CAP1: variants seen among roughly 807,000 people sequenced by gnomAD.
CAP1 encodes the protein adenylyl cyclase-associated protein 1.
A neutral mutation model predicts 58.2 loss-of-function variants in CAP1; 11 were observed. That is an observed-to-expected ratio of 0.19 (90% CI 0.12 to 0.31). The LOEUF (loss-of-function observed/expected upper bound fraction) is 0.31. CAP1 is among the 10% of genes least tolerant of loss of function. The pLI is 1.00. For synonymous variants in CAP1, 183 were observed against 213.8 expected, an observed-to-expected ratio of 0.86 and a Z score of 1.26; for missense variants, 423 against 587.5, an observed-to-expected ratio of 0.72 and a Z score of 2.89.
At chr1:40,040,567 G>A (rs3131687), upstream of CAP1, 83,068 of 152,642 alleles carry the variant, frequency 0.54, 24,282 homozygotes, top group Non-Finnish European at 0.67. Context: ...TGCCCTCTGT[G>A]AGAGCCGGGC....
chr1:40,069,934 G>A, intron 9 of CAP1, 60 bp downstream of exon 9: 1 of 1,477,902 alleles, frequency 6.8e-7, no homozygotes. Flanking sequence ...TTTTGAGATG[G>A]AGTTTCACTT....
rs547142454 is a variant in CAP1 at position 40,059,346 on chromosome 1, T to C, written c.-1T>C. On this transcript the variant is annotated 5_prime_UTR_variant, in exon 2 of 13. Coordinates refer to ENST00000372805, the MANE Select transcript of CAP1 (RefSeq NM_006367.4). ...TGATCTGTTTCAGCAGGTGGTCCAT[T>C]ATGGCTGACATGCAAAATCTGGTAG... The C allele has an allele frequency of 6.9e-6, 11 of 1,598,124 alleles. No homozygotes were observed. The highest frequency in any genetic ancestry group is 9.4e-6 in the Non-Finnish European group (11 of 1,165,416).
Position 40,059,538 on chromosome 1 carries a change from C to T in CAP1, c.112+80C>T, listed in dbSNP as rs1031008868. Reference sequence around the variant, plus strand: ...TTTTCTATTATTCTCTCCTTTGGCGCTAACTTCCCAAAACTTAATCTAGAA... The same window carrying T: ...TTTTCTATTATTCTCTCCTTTGGCGTTAACTTCCCAAAACTTAATCTAGAA... On this transcript the variant is annotated intron_variant, in intron 2 of 12. Coordinates refer to ENST00000372805, the MANE Select transcript of CAP1 (RefSeq NM_006367.4). 2.0e-5 allele frequency: 16 copies of T among 813,764 alleles called. No individual in the cohort carries two copies. In the African/African-American group the frequency reaches 2.2e-4, roughly 11 times the overall value. The allele number at this position is 813,764 out of a possible 1,614,324, so 50.4% of individuals were successfully genotyped here.
In CAP1 at chr1:40,070,205, T is replaced by G. The variant is rs779440857; in HGVS notation, c.1040T>G (p.Leu347Arg). ...VSNLVIEDTE[L>R]KQVAYIYKCV... ...AACCTGGTGATTGAGGACACAGAGC[T>G]GAAACAGGTGGCTTACATATACAAG... is the stretch of plus-strand genomic sequence containing the variant. Residue 347 changes from leucine to arginine, a missense_variant, in exon 10 of 13, where the codon CTG becomes CGG. Leu to Arg is a moderately radical substitution (Grantham distance 102, BLOSUM62 -2). Transcript: ENST00000372805. 6.2e-7 allele frequency: 1 copy of G among 1,614,128 alleles called. No homozygotes were observed. Among genetic ancestry groups the G allele is most frequent in the Admixed American group, 1.7e-5 (1 of 60,024 alleles).
intron 4 of CAP1, among the ~76,000 whole-genome samples, chr1:40,063,573 C>T (rs2124383877): frequency 6.6e-6 from 1 of 152,306 alleles, no homozygotes; most frequent in East Asian, 1.9e-4. Flanking sequence ...CTTGGCCTCC[C>T]AAAGTGCTGG....
chr1:40,040,723 C>T (rs1157369156), upstream of CAP1: 2 of 152,888 alleles, frequency 1.3e-5, no homozygotes, highest in Admixed American at 1.3e-4. Context: ...GGAAGTGGGT[C>T]GCGCGGAGAT....
At chr1:40,065,642 G>A (rs1357702797) in intron 6 of CAP1, among the ~76,000 whole-genome samples, 1 of 152,198 alleles carries the variant, frequency 6.6e-6, no homozygotes, top group Admixed American at 6.5e-5. Context: ...TAAGAAGAGA[G>A]GGGACTTGAA....
intron 1 of CAP1, among the ~76,000 whole-genome samples, chr1:40,047,445 T>C (rs1046034925): frequency 1.3e-5 from 2 of 152,226 alleles, no homozygotes; most frequent in Non-Finnish European, 2.9e-5. Context: ...TTGTTTTGTT[T>C]TGTTTTTTCC....
At chr1:40,051,150 A>G (rs1646348891) in intron 1 of CAP1, among the ~76,000 whole-genome samples, 1 of 152,214 alleles carries the variant, frequency 6.6e-6, no homozygotes, top group Non-Finnish European at 1.5e-5. Context: ...GTAGTAATTT[A>G]TGTAATTCAG....
chr1:40,061,434 G>A (rs1299507505), intron 3 of CAP1, among the ~76,000 whole-genome samples: 2 of 152,168 alleles, frequency 1.3e-5, no homozygotes, highest in East Asian at 1.9e-4. Flanking sequence ...AAATAGGAAG[G>A]ATTTTTCAGT....
chr1:40,040,444 C>T (rs918563257), upstream of CAP1: 4 of 152,366 alleles, frequency 2.6e-5, no homozygotes, highest in Non-Finnish European at 5.9e-5. Flanking sequence ...CCTTCCTGGG[C>T]CCGGGCCTCG....
Position 40,070,709 on chromosome 1 carries a change from C to T in CAP1, c.1201-127C>T, listed in dbSNP as rs909198683. 6.5e-6 allele frequency: 6 copies of T among 925,494 alleles called. No individual in the cohort carries two copies. The African/African-American group carries it at 9.9e-5, about 15-fold the overall frequency. The allele number at this position is 925,494 out of a possible 1,614,324, so 57.3% of individuals were successfully genotyped here. A position where few individuals can be genotyped will look rare whatever the true frequency, so the allele number is the denominator to read the frequency against. On this transcript the variant is annotated intron_variant, in intron 11 of 12. Coordinates refer to ENST00000372805, the MANE Select transcript of CAP1 (RefSeq NM_006367.4). ...ACCCATCCCAACCCACCCGAGTATC[C>T]AGTGTCTTGCGCATCTGTGAGCTTT...
intron 8 of CAP1, among the ~76,000 whole-genome samples, chr1:40,069,149 C>T (rs1647309946): frequency 1.3e-5 from 2 of 152,202 alleles, no homozygotes; most frequent in African/African-American, 4.8e-5. Context: ...AGATATTAAA[C>T]TACAGGTTAA....
intron 1 of CAP1, among the ~76,000 whole-genome samples, chr1:40,042,185 C>T (rs1409374693): frequency 6.6e-6 from 1 of 152,086 alleles, no homozygotes; most frequent in Non-Finnish European, 1.5e-5. Context: ...CCCCACCAGA[C>T]GTTTATTAAG....
chr1:40,069,378 T>C (rs966463228), intron 8 of CAP1, among the ~76,000 whole-genome samples: 2 of 152,068 alleles, frequency 1.3e-5, no homozygotes, highest in African/African-American at 2.4e-5. Flanking sequence ...CATTTTTCTT[T>C]ATTGCTTTAA....
At position 40,070,817 on chromosome 1, in the gene CAP1, CTCTT is replaced by C; in HGVS notation, c.1201-17_1201-14del. 1 of 1,596,084 alleles carries C rather than the reference CTCTT, an allele frequency of 6.3e-7. No individual in the cohort carries two copies. The highest frequency in any genetic ancestry group is 8.5e-7 in the Non-Finnish European group (1 of 1,171,762). On this transcript the variant is annotated splice_polypyrimidine_tract_variant and intron_variant, in intron 11 of 12. Transcript: ENST00000372805. ...CCTTCCCAACCACTGGGACTCAGTT[CTCTT>C]TGTTTACTCTGCAGGTAATGGGTAA...
rs1231198958 is a variant in CAP1 at position 40,066,397 on chromosome 1, T to G, written c.630+77T>G. 8.5e-6 allele frequency: 6 copies of G among 704,896 alleles called. No individual in the cohort carries two copies. The South Asian group carries it at 9.0e-5, about 11-fold the overall frequency. 43.7% of individuals were successfully genotyped at this position (704,896 alleles called of 1,614,324 possible). A position where few individuals can be genotyped will look rare whatever the true frequency, so the allele number is the denominator to read the frequency against. On this transcript the variant is annotated intron_variant, in intron 7 of 12. Transcript: ENST00000372805. The stretch of plus-strand genomic sequence containing the variant: ...CATGGGGTCCACAGGTTTCTTAGAC[T>G]TCAGCACTACCAAAGTCTGTGAGGG...
At position 40,061,740 on chromosome 1, in the gene CAP1, G is replaced by T; in HGVS notation, c.222G>T (p.Glu74Asp). The T allele has an allele frequency of 6.2e-7, 1 of 1,613,916 alleles. No individual in the cohort carries two copies. The highest frequency in any genetic ancestry group is 8.5e-7 in the Non-Finnish European group (1 of 1,179,802). The change falls in exon 4 of 13, where the codon GAG becomes GAT. Residue 74 changes from glutamate (E) to aspartate (D), a missense_variant. Coordinates refer to ENST00000372805, the MANE Select transcript of CAP1 (RefSeq NM_006367.4). The stretch of plus-strand genomic sequence containing the variant: ...CTGATTCTTCTTTCTGGCAGGCGGA[G>T]ATGGTCCACACAGGTTTGAAGTTGG... ...EIGGDVQKHA[E>D]MVHTGLKLER...
At chr1:40,068,113 G>A (rs1222312028) in intron 8 of CAP1, among the ~76,000 whole-genome samples, 2 of 152,034 alleles carry the variant, frequency 1.3e-5, no homozygotes, top group African/African-American at 4.8e-5. Context: ...ACCTAATGTT[G>A]GTATAAAGTA....
Sources: allele counts gnomAD v4.1 joint callset (sites outside exome capture counted in the v4.1 genomes callset), GRCh38; gene constraint gnomAD v4.1.1; transcripts MANE v1.5; gene names NCBI Gene and HGNC (gene_info 2026-07-23, HGNC 2026-07-21).